The following GPC5 variants were observed in gnomAD, a reference collection of about 807,000 sequenced individuals.
The protein encoded by GPC5 is glypican-5.
Under a neutral mutation model 53.9 loss-of-function variants are expected in GPC5, and 47 were observed. The ratio of observed to expected loss-of-function variants is 0.87; its 90% CI spans 0.69 to 1.11. The LOEUF is 1.11. GPC5 is among the 50% of genes most tolerant of loss of function. The pLI, the probability that GPC5 is intolerant of heterozygous loss-of-function variation, is 0.00. For missense variants in GPC5, 748 were observed against 713.1 expected (o/e 1.05, Z -0.56); for synonymous variants, 286 against 263.3 (o/e 1.09, Z -0.84).
At chr13:91,822,827 A>G (rs571471717) in intron 5 of GPC5, among the ~76,000 whole-genome samples, 8 of 152,132 alleles carry the variant, frequency 5.3e-5, no homozygotes, top group Non-Finnish European at 8.8e-5. Context: ...CCTGCACTCT[A>G]TCAATATCAC....
intron 5 of GPC5, among the ~76,000 whole-genome samples, chr13:91,895,559 C>T (rs2039432490): frequency 6.6e-6 from 1 of 151,842 alleles, no homozygotes; most frequent in African/African-American, 2.4e-5. Flanking sequence ...TTCTTATTAC[C>T]AGGCATACTT....
At chr13:91,862,896 C>A (rs924747299) in intron 5 of GPC5, among the ~76,000 whole-genome samples, 3 of 152,072 alleles carry the variant, frequency 2.0e-5, no homozygotes, top group South Asian at 2.1e-4. Flanking sequence ...CCTAACTTGA[C>A]CAAGATTTCT....
intron 7 of GPC5, among the ~76,000 whole-genome samples, chr13:92,411,143 G>A (rs548000379): frequency 4.6e-5 from 7 of 152,250 alleles, no homozygotes; most frequent in Non-Finnish European, 8.8e-5. Context: ...GATGGCGCAC[G>A]TCTGTAGTCT....
At chr13:91,877,778 C>A (rs961234899) in intron 5 of GPC5, among the ~76,000 whole-genome samples, 2 of 151,992 alleles carry the variant, frequency 1.3e-5, no homozygotes, top group Admixed American at 1.3e-4. Context: ...TTGGAGGGGC[C>A]AGAGGTGGAA....
At chr13:92,425,455 A>G (rs1360446240) in intron 7 of GPC5, among the ~76,000 whole-genome samples, 1 of 152,050 alleles carries the variant, frequency 6.6e-6, no homozygotes, top group African/African-American at 2.4e-5. Flanking sequence ...CTGAAAAAAA[A>G]TTACCACGAC....
intron 7 of GPC5, among the ~76,000 whole-genome samples, chr13:92,814,177 C>G (rs1877386081): frequency 6.6e-6 from 1 of 151,930 alleles, no homozygotes; most frequent in Non-Finnish European, 1.5e-5. Context: ...TAGATATAAA[C>G]TTTAATCCAT....
chr13:92,681,723 G>A (rs546625159), intron 7 of GPC5, among the ~76,000 whole-genome samples: 2 of 152,040 alleles, frequency 1.3e-5, no homozygotes, highest in East Asian at 3.9e-4. Context: ...TCTGAACAAC[G>A]TGGTTCTGCT....
At chr13:92,445,347 G>T (rs1877766243) in intron 7 of GPC5, among the ~76,000 whole-genome samples, 1 of 147,586 alleles carries the variant, frequency 6.8e-6, no homozygotes, top group African/African-American at 2.5e-5. Flanking sequence ...TAAGTTTTAG[G>T]GTACATGTGC....
At chr13:92,145,285 G>A (rs945792067) in intron 7 of GPC5, among the ~76,000 whole-genome samples, 1 of 151,998 alleles carries the variant, frequency 6.6e-6, no homozygotes, top group Non-Finnish European at 1.5e-5. Flanking sequence ...GATACTAATT[G>A]TATATTGATA....
chr13:92,130,965 A>G (rs1290616940), intron 6 of GPC5, among the ~76,000 whole-genome samples: 9 of 152,004 alleles, frequency 5.9e-5, no homozygotes, highest in Admixed American at 5.9e-4. Flanking sequence ...ACAGAAGATT[A>G]AATCCAGAAT....
chr13:92,414,421 C>T (rs1476362736), intron 7 of GPC5, among the ~76,000 whole-genome samples: 1 of 151,336 alleles, frequency 6.6e-6, no homozygotes, highest in East Asian at 2.0e-4. Flanking sequence ...AGGAGAATCA[C>T]TTGAACCGGA....
At chr13:92,232,205 T>C (rs1358293197) in intron 7 of GPC5, among the ~76,000 whole-genome samples, 1 of 151,978 alleles carries the variant, frequency 6.6e-6, no homozygotes, top group African/African-American at 2.4e-5. Context: ...CTACTCTATT[T>C]CAGCAGTATT....
At chr13:92,701,787 G>A (rs542643502) in intron 7 of GPC5, among the ~76,000 whole-genome samples, 8 of 152,104 alleles carry the variant, frequency 5.3e-5, no homozygotes, top group Non-Finnish European at 1.0e-4. Context: ...AATCGTTGGC[G>A]AATAGATGAA....
chr13:91,781,301 A>G (rs2037795223), intron 5 of GPC5, among the ~76,000 whole-genome samples: 1 of 152,228 alleles, frequency 6.6e-6, no homozygotes, highest in Non-Finnish European at 1.5e-5. Context: ...CTGTGCTTAA[A>G]AAGTTAACTC....
chr13:92,014,273 T>G (rs2040687866), intron 6 of GPC5, among the ~76,000 whole-genome samples: 1 of 152,156 alleles, frequency 6.6e-6, no homozygotes, highest in Admixed American at 6.5e-5. Flanking sequence ...AAAAATCTGT[T>G]TTTCTTGCTT....
intron 6 of GPC5, among the ~76,000 whole-genome samples, chr13:92,083,421 A>G (rs1481659334): frequency 6.6e-6 from 1 of 152,142 alleles, no homozygotes; most frequent in African/African-American, 2.4e-5. Flanking sequence ...AGAAAAAAAC[A>G]TATATAGAGT....
Position 92,223,869 on chromosome 13 carries a change from C to T in GPC5, c.1561+78880C>T, listed in dbSNP as rs186751064. Among the ~76,000 whole-genome samples the T allele has an allele frequency of 3.7e-3, 556 of 152,162 alleles. 3 individuals are homozygous for T. Among genetic ancestry groups the T allele is most frequent in the Non-Finnish European group, 5.8e-3 (393 of 67,996 alleles). On this transcript the variant is annotated intron_variant, in intron 7 of 7. Coordinates refer to ENST00000377067, the MANE Select transcript of GPC5 (RefSeq NM_004466.6). ...AAGGGCATTTCATTTTCAGCTTGGC[C>T]TTACCGCTGAGAAGCATTTTGCATG...
chr13:91,964,972 C>A (rs567382179), intron 6 of GPC5, among the ~76,000 whole-genome samples: 2 of 151,368 alleles, frequency 1.3e-5, no homozygotes, highest in Non-Finnish European at 2.9e-5. Context: ...TCTGAGCCAA[C>A]TATTGCAAAG....
intron 7 of GPC5, among the ~76,000 whole-genome samples, chr13:92,533,053 ATTC>A (rs1453071988): frequency 6.6e-6 from 1 of 152,192 alleles, no homozygotes; most frequent in African/African-American, 2.4e-5. Context: ...GAAAAAATAT[ATTC>A]TTCAGTATAA....
Sources: allele counts gnomAD v4.1 joint callset (sites outside exome capture counted in the v4.1 genomes callset), GRCh38; gene constraint gnomAD v4.1.1; transcripts MANE v1.5; gene names NCBI Gene and HGNC (gene_info 2026-07-23, HGNC 2026-07-21).